The following SHTN1 variants were observed in gnomAD, a reference collection of about 807,000 sequenced individuals.
SHTN1 encodes shootin 1, also known as shootin-1.
In SHTN1, 42 loss-of-function variants were observed where a neutral mutation model predicts 83.1. That is an observed-to-expected ratio of 0.51 (90% CI 0.39 to 0.65). SHTN1 has a LOEUF of 0.65. Ranked by LOEUF, SHTN1 falls within the 30% of genes least tolerant of loss-of-function variation. SHTN1 has a pLI of 0.00. For synonymous variants in SHTN1, 224 were observed against 247.7 expected, an observed-to-expected ratio of 0.90 and a Z score of 0.90; for missense variants, 622 against 737.8, an observed-to-expected ratio of 0.84 and a Z score of 1.82.
intron 11 of SHTN1, among the ~76,000 whole-genome samples, chr10:116,924,992 G>A (rs1376482375): frequency 2.0e-5 from 3 of 151,968 alleles, no homozygotes; most frequent in Non-Finnish European, 4.4e-5. Flanking sequence ...TCCTGACCTT[G>A]TGATCCGCCC....
intron 14 of SHTN1, among the ~76,000 whole-genome samples, chr10:116,909,304 C>T (rs768720263): frequency 6.6e-6 from 1 of 152,144 alleles, no homozygotes; most frequent in Non-Finnish European, 1.5e-5. Flanking sequence ...ACTAACTAAT[C>T]TAATTGTCAG....
intron 1 of SHTN1, among the ~76,000 whole-genome samples, chr10:117,063,784 C>CT (rs1852934081): frequency 6.6e-6 from 1 of 152,126 alleles, no homozygotes; most frequent in South Asian, 2.1e-4. Flanking sequence ...TGCCTTTTCT[C>CT]TAACCACTCT....
At chr10:117,083,449 C>T (rs1042572764) in intron 1 of SHTN1, among the ~76,000 whole-genome samples, 1 of 151,424 alleles carries the variant, frequency 6.6e-6, no homozygotes, top group Non-Finnish European at 1.5e-5. Flanking sequence ...CCCGACCTTT[C>T]TCTCTGGCTG....
At chr10:116,920,882 T>C (rs1239321143) in intron 12 of SHTN1, among the ~76,000 whole-genome samples, 2 of 152,132 alleles carry the variant, frequency 1.3e-5, no homozygotes, top group African/African-American at 4.8e-5. Flanking sequence ...ACCCACCCAA[T>C]GTTCTAAAGG....
chr10:117,094,100 C>G (rs1853472878), intron 1 of SHTN1, among the ~76,000 whole-genome samples: 1 of 152,194 alleles, frequency 6.6e-6, no homozygotes, highest in African/African-American at 2.4e-5. Flanking sequence ...ATCTCTCCTC[C>G]TGGGCACAAC....
intron 1 of SHTN1, among the ~76,000 whole-genome samples, chr10:116,988,748 C>G (rs953201213): frequency 6.6e-6 from 1 of 151,848 alleles, no homozygotes; most frequent in Non-Finnish European, 1.5e-5. Flanking sequence ...TGTTAGGTTG[C>G]CAAGGCTGGT....
chr10:117,089,935 G>T (rs1193934772), intron 1 of SHTN1, among the ~76,000 whole-genome samples: 1 of 152,150 alleles, frequency 6.6e-6, no homozygotes, highest in Non-Finnish European at 1.5e-5. Context: ...AACATATGTT[G>T]GTGAGGATGT....
chr10:117,004,894 C>A, intron 1 of SHTN1, 128 bp downstream of exon 1: 1 of 730,688 alleles, frequency 1.4e-6, no homozygotes, highest in East Asian at 3.0e-5. Flanking sequence ...GGTGACGGAG[C>A]TACTGCGGTG....
intron 7 of SHTN1, among the ~76,000 whole-genome samples, chr10:116,945,703 CTG>C (rs1352689273): frequency 6.6e-6 from 1 of 151,972 alleles, no homozygotes; most frequent in African/African-American, 2.4e-5. Context: ...TGAAAAAAAA[CTG>C]AAGATAAAAT....
chr10:117,063,661 T>G (rs1212858222), intron 1 of SHTN1, among the ~76,000 whole-genome samples: 1 of 152,158 alleles, frequency 6.6e-6, no homozygotes, highest in Non-Finnish European at 1.5e-5. Flanking sequence ...TCCTACATGA[T>G]CTTGTCCCAA....
chr10:116,899,617 C>T (rs1196050450), intron 16 of SHTN1, among the ~76,000 whole-genome samples: 2 of 151,998 alleles, frequency 1.3e-5, no homozygotes, highest in East Asian at 3.9e-4. Flanking sequence ...TTGGCATCCT[C>T]CCTTGACCTT....
chr10:116,930,989 G>A (rs1848938879), intron 9 of SHTN1, among the ~76,000 whole-genome samples: 1 of 152,054 alleles, frequency 6.6e-6, no homozygotes, highest in East Asian at 1.9e-4. Flanking sequence ...GTGATGTTAA[G>A]CATTTTTTAT....
At chr10:116,918,468 T>TA (rs555140494) in intron 12 of SHTN1, among the ~76,000 whole-genome samples, 26 of 150,642 alleles carry the variant, frequency 1.7e-4, no homozygotes, top group East Asian at 5.8e-4. Flanking sequence ...TAAAGGTAAT[T>TA]AAAAAAAAAA....
intron 1 of SHTN1, among the ~76,000 whole-genome samples, chr10:117,077,682 T>C (rs577092022): frequency 6.6e-6 from 1 of 152,052 alleles, no homozygotes; most frequent in Non-Finnish European, 1.5e-5. Context: ...CCTGTGTCCA[T>C]GTGTTCTCAT....
rs148777715 is a variant in SHTN1 at position 116,921,937 on chromosome 10, C to T, written c.1113-421G>A. Among the ~76,000 whole-genome samples, 23 of 152,222 alleles carry T rather than the reference C, an allele frequency of 1.5e-4. No homozygotes were observed. The East Asian group carries it at 3.5e-3, about 23-fold the overall frequency. On this transcript the variant is annotated intron_variant, in intron 11 of 16. Coordinates refer to ENST00000355371, the MANE Select transcript of SHTN1 (RefSeq NM_001127211.3). Reference sequence around the variant, plus strand: ...TATTTGTGAACTATGGGTATAAAAACATCTGAATCAGCATGATGTAGACTA... The same window carrying T: ...TATTTGTGAACTATGGGTATAAAAATATCTGAATCAGCATGATGTAGACTA...
At chr10:117,120,616 C>G (rs746469382) in intron 1 of SHTN1, among the ~76,000 whole-genome samples, 3 of 152,014 alleles carry the variant, frequency 2.0e-5, no homozygotes, top group Non-Finnish European at 4.4e-5. Context: ...AATATATACA[C>G]CTACTATGTA....
chr10:116,960,053 G>T, intron 4 of SHTN1, 83 bp downstream of exon 4: 1 of 788,130 alleles, frequency 1.3e-6, no homozygotes, highest in Non-Finnish European at 2.2e-6. Context: ...AAGTAGAAAA[G>T]CAAAACCAGA....
In SHTN1 at chr10:116,896,400, T is replaced by G. The variant is rs114580446; in HGVS notation, c.1673+5365A>C. Among the ~76,000 whole-genome samples, 664 of 152,326 alleles carry G rather than the reference T, an allele frequency of 4.4e-3. 7 individuals are homozygous for G. Among genetic ancestry groups the G allele is most frequent in the African/African-American group, 0.015 (632 of 41,570 alleles). ...ATCCCAGAATGTGTAAATGTGGGAC[T>G]AGTCAACCTAGCTGGGGTGAAAGAA... On this transcript the variant is annotated intron_variant, in intron 16 of 16. Coordinates refer to ENST00000355371, the MANE Select transcript of SHTN1 (RefSeq NM_001127211.3).
intron 1 of SHTN1, among the ~76,000 whole-genome samples, chr10:117,105,912 G>A (rs754483817): frequency 2.0e-5 from 3 of 152,114 alleles, no homozygotes; most frequent in Non-Finnish European, 2.9e-5. Flanking sequence ...TACTTGGGAG[G>A]CTGAGGTGGG....
Sources: allele counts gnomAD v4.1 joint callset (sites outside exome capture counted in the v4.1 genomes callset), GRCh38; gene constraint gnomAD v4.1.1; transcripts MANE v1.5; gene names NCBI Gene and HGNC (gene_info 2026-07-23, HGNC 2026-07-21).